The following OPCML variants were observed in gnomAD, a reference collection of about 807,000 sequenced individuals.
The protein encoded by OPCML is opioid binding protein/cell adhesion molecule like.
Under a neutral mutation model 37.8 loss-of-function variants are expected in OPCML, and 13 were observed. The ratio of observed to expected loss-of-function variants is 0.34; its 90% CI spans 0.22 to 0.55. OPCML has a LOEUF of 0.55. OPCML is among the 20% of genes least tolerant of loss of function. The pLI is 0.91. For synonymous variants in OPCML, 176 were observed against 168.8 expected, an observed-to-expected ratio of 1.04 and a Z score of -0.33; for missense variants, 341 against 435.6, an observed-to-expected ratio of 0.78 and a Z score of 1.93.
At chr11:133,456,142 A>ACATTTGC (rs1190105226) in intron 1 of OPCML, among the ~76,000 whole-genome samples, 1 of 152,150 alleles carries the variant, frequency 6.6e-6, no homozygotes, top group Non-Finnish European at 1.5e-5. Context: ...GGGACTATAG[A>ACATTTGC]CCCATAGACA....
At chr11:132,789,612 C>G (rs1230460082) in intron 2 of OPCML, among the ~76,000 whole-genome samples, 2 of 152,090 alleles carry the variant, frequency 1.3e-5, no homozygotes, top group African/African-American at 4.8e-5. Context: ...GAGGTCTGAA[C>G]CTAGAGGTTA....
intron 4 of OPCML, among the ~76,000 whole-genome samples, chr11:132,490,015 T>C (rs1316545441): frequency 6.6e-6 from 1 of 152,168 alleles, no homozygotes; most frequent in African/African-American, 2.4e-5. Context: ...GCAAAGGACA[T>C]GAACTCATCC....
chr11:133,516,506 A>C (rs1217065065), intron 1 of OPCML, among the ~76,000 whole-genome samples: 1 of 152,174 alleles, frequency 6.6e-6, no homozygotes, highest in Non-Finnish European at 1.5e-5. Context: ...ATCCACTCCC[A>C]GTTTTTCCGA....
At chr11:133,450,708 A>T (rs770471144) in intron 1 of OPCML, among the ~76,000 whole-genome samples, 2 of 151,738 alleles carry the variant, frequency 1.3e-5, no homozygotes, top group African/African-American at 4.9e-5. Flanking sequence ...GGAAACAGAG[A>T]ACACAACGTG....
At chr11:132,991,804 C>A (rs1376483803) in intron 1 of OPCML, among the ~76,000 whole-genome samples, 3 of 152,104 alleles carry the variant, frequency 2.0e-5, no homozygotes, top group Non-Finnish European at 4.4e-5. Flanking sequence ...GTTTTCCCTG[C>A]AGTTTACCTT....
intron 1 of OPCML, among the ~76,000 whole-genome samples, chr11:133,157,756 A>G (rs1014255193): frequency 4.6e-5 from 7 of 152,322 alleles, no homozygotes; most frequent in African/African-American, 1.4e-4. Flanking sequence ...GGAAAATGGG[A>G]CCTAAATTGT....
chr11:132,588,390 T>C (rs1334571064), intron 3 of OPCML, among the ~76,000 whole-genome samples: 1 of 151,456 alleles, frequency 6.6e-6, no homozygotes, highest in Non-Finnish European at 1.5e-5. Flanking sequence ...ATGGGGGGAG[T>C]CTAGAACAGA....
intron 2 of OPCML, among the ~76,000 whole-genome samples, chr11:132,824,110 C>T (rs545767294): frequency 5.8e-4 from 88 of 152,256 alleles, no homozygotes; most frequent in African/African-American, 2.1e-3. Context: ...AATCTCAGCC[C>T]TGAATGCTTA....
intron 3 of OPCML, among the ~76,000 whole-genome samples, chr11:132,630,649 C>A (rs1940043849): frequency 6.6e-6 from 1 of 152,032 alleles, no homozygotes. Context: ...TGATGCAGAG[C>A]AATCGTGATT....
intron 2 of OPCML, among the ~76,000 whole-genome samples, chr11:132,758,816 G>A (rs1946156730): frequency 6.6e-6 from 1 of 152,036 alleles, no homozygotes. Flanking sequence ...TGATTGTCCT[G>A]GCCAGAACTT....
chr11:132,792,858 C>T (rs190785147), intron 2 of OPCML, among the ~76,000 whole-genome samples: 2 of 152,252 alleles, frequency 1.3e-5, no homozygotes, highest in African/African-American at 2.4e-5. Context: ...TCGCCGGGCC[C>T]GGGCAGCACA....
intron 1 of OPCML, among the ~76,000 whole-genome samples, chr11:133,337,832 T>C (rs1442415704): frequency 1.3e-5 from 2 of 152,134 alleles, no homozygotes; most frequent in Non-Finnish European, 2.9e-5. Context: ...AAGGAGATGA[T>C]GTTACAGCAG....
At chr11:132,977,644 G>A (rs1483206035) in intron 1 of OPCML, among the ~76,000 whole-genome samples, 1 of 152,152 alleles carries the variant, frequency 6.6e-6, no homozygotes, top group Non-Finnish European at 1.5e-5. Context: ...GGAGCCCTGG[G>A]AGTTACTGTA....
rs373221616 is a variant in OPCML at position 132,541,184 on chromosome 11, C to A, written c.380-11998G>T. ...GCCCATGACCTCTGTCAATCCAAGT[C>A]TCTCTCTCACAGGAAGGCCCCCTGA... On this transcript the variant is annotated intron_variant, in intron 3 of 7. Transcript: ENST00000524381. Among the ~76,000 whole-genome samples, 9 of 152,314 alleles carry A rather than the reference C, an allele frequency of 5.9e-5. No individual in the cohort carries two copies. In the East Asian group the frequency reaches 1.2e-3, roughly 20 times the overall value.
At chr11:133,200,600 C>A (rs1938732320) in intron 1 of OPCML, among the ~76,000 whole-genome samples, 1 of 152,106 alleles carries the variant, frequency 6.6e-6, no homozygotes, top group Admixed American at 6.5e-5. Flanking sequence ...TATACTAGGA[C>A]ATAGACATAC....
chr11:132,466,474 A>G (rs971339125), intron 4 of OPCML, among the ~76,000 whole-genome samples: 2 of 147,260 alleles, frequency 1.4e-5, no homozygotes, highest in African/African-American at 5.0e-5. Context: ...ACACAGCGAG[A>G]CTCCGTCTCG....
intron 1 of OPCML, among the ~76,000 whole-genome samples, chr11:133,002,741 G>C (rs1023850899): frequency 1.2e-4 from 17 of 145,954 alleles, no homozygotes; most frequent in African/African-American, 4.4e-4. Flanking sequence ...GGAAGGAGAA[G>C]TAGAAGGAGG....
chr11:132,485,126 G>C (rs2096195393), intron 4 of OPCML, among the ~76,000 whole-genome samples: 1 of 151,880 alleles, frequency 6.6e-6, no homozygotes, highest in African/African-American at 2.4e-5. Flanking sequence ...TAATATCACT[G>C]TTCGGGAGAG....
In OPCML at chr11:132,774,760, G is replaced by A. The variant is rs142713780; in HGVS notation, c.147-117441C>T. ...AGCAGACTGTGCCCATCAAGACAGC[G>A]ACTGCCATTTTCTGTGCCTCCAGGA... On this transcript the variant is annotated intron_variant, in intron 2 of 7. Coordinates refer to ENST00000524381, the MANE Select transcript of OPCML (RefSeq NM_001012393.5). Among the ~76,000 whole-genome samples, 155 of 152,278 alleles carry A rather than the reference G, an allele frequency of 1.0e-3. 1 individual carries two copies. The highest frequency in any genetic ancestry group is 3.4e-3 in the African/African-American group (142 of 41,544).
Sources: allele counts gnomAD v4.1 joint callset (sites outside exome capture counted in the v4.1 genomes callset), GRCh38; gene constraint gnomAD v4.1.1; transcripts MANE v1.5; gene names NCBI Gene and HGNC (gene_info 2026-07-23, HGNC 2026-07-21).